The following SDK1 variants were observed in gnomAD, a reference collection of about 807,000 sequenced individuals.
SDK1 encodes sidekick cell adhesion molecule 1, also known as protein sidekick-1.
A neutral mutation model predicts 245.5 loss-of-function variants in SDK1; 157 were observed. That is an observed-to-expected ratio of 0.64 (90% CI 0.56 to 0.73). The LOEUF is 0.73. SDK1 is among the 30% of genes least tolerant of loss of function. The pLI, the probability that SDK1 is intolerant of heterozygous loss-of-function variation, is 0.00. For missense variants in SDK1, 3,583 were observed against 3,002.3 expected (o/e 1.19, Z -4.52); for synonymous variants, 1,647 against 1,278.5 (o/e 1.29, Z -6.15).
At chr7:4,192,374 C>T (rs1435814965) in intron 35 of SDK1, among the ~76,000 whole-genome samples, 2 of 152,226 alleles carry the variant, frequency 1.3e-5, no homozygotes, top group Non-Finnish European at 2.9e-5. Context: ...CTCCCGGGTT[C>T]ACACCATTCT....
chr7:3,316,117 T>A (rs1779657411), intron 1 of SDK1, among the ~76,000 whole-genome samples: 1 of 152,196 alleles, frequency 6.6e-6, no homozygotes, highest in Non-Finnish European at 1.5e-5. Flanking sequence ...ATTTGAGGCA[T>A]GAAGTTGTAA....
Position 3,967,313 on chromosome 7 carries a change from C to G in SDK1, c.1430-5C>G. ...CCTGATCATTTCATTTACTCCTCTTCTCAGATATCGCTCCAGTGTTCACCC... is the reference window on the plus strand; with the variant it reads ...CCTGATCATTTCATTTACTCCTCTTGTCAGATATCGCTCCAGTGTTCACCC... On this transcript the variant is annotated splice_polypyrimidine_tract_variant and splice_region_variant and intron_variant, in intron 9 of 44. Coordinates refer to ENST00000404826, the MANE Select transcript of SDK1 (RefSeq NM_152744.4). 6.2e-7 allele frequency: 1 copy of G among 1,608,816 alleles called. No homozygotes were observed. The highest frequency in any genetic ancestry group is 8.5e-7 in the Non-Finnish European group (1 of 1,175,134).
At chr7:3,331,514 C>G (rs941458923) in intron 1 of SDK1, among the ~76,000 whole-genome samples, 3 of 152,216 alleles carry the variant, frequency 2.0e-5, no homozygotes, top group East Asian at 3.9e-4. Flanking sequence ...TGTAATAATT[C>G]TTTTTATATT....
At chr7:3,395,003 C>T (rs533149763) in intron 1 of SDK1, among the ~76,000 whole-genome samples, 12 of 151,784 alleles carry the variant, frequency 7.9e-5, no homozygotes, top group African/African-American at 2.9e-4. Context: ...ATTTGTTTTT[C>T]TTGGGTGGTT....
rs191127551 is a variant in SDK1 at position 3,403,639 on chromosome 7, A to G, written c.298+101755A>G. ...AGAGCACAAATACAATAAGATATGG[A>G]GACTCAGTATCCTATCAGCTTTTTG... On this transcript the variant is annotated intron_variant, in intron 1 of 44. Coordinates refer to ENST00000404826, the MANE Select transcript of SDK1 (RefSeq NM_152744.4). 4.7e-4 allele frequency among the ~76,000 whole-genome samples: 71 copies of G among 151,430 alleles called. 1 individual carries two copies. Among genetic ancestry groups the G allele is most frequent in the African/African-American group, 1.5e-3 (64 of 41,294 alleles).
At chr7:3,899,739 C>T (rs554556085) in intron 5 of SDK1, among the ~76,000 whole-genome samples, 113 of 152,326 alleles carry the variant, frequency 7.4e-4, no homozygotes, top group African/African-American at 2.5e-3. Context: ...CATGCTGCAT[C>T]TCTCTCCCCA....
At chr7:3,904,559 G>C (rs990805422) in intron 5 of SDK1, among the ~76,000 whole-genome samples, 1 of 152,134 alleles carries the variant, frequency 6.6e-6, no homozygotes, top group Non-Finnish European at 1.5e-5. Flanking sequence ...AGCAGACATG[G>C]TGGTGCACAC....
intron 22 of SDK1, among the ~76,000 whole-genome samples, chr7:4,091,418 C>T (rs1232643823): frequency 6.8e-6 from 1 of 146,518 alleles, no homozygotes; most frequent in Non-Finnish European, 1.5e-5. Context: ...TCTGGGCTCA[C>T]TGCAACCTCC....
intron 1 of SDK1, among the ~76,000 whole-genome samples, chr7:3,417,123 G>T (rs986388858): frequency 5.9e-5 from 9 of 152,170 alleles, no homozygotes; most frequent in African/African-American, 2.2e-4. Context: ...GCAGGGAGCC[G>T]AGACTGCGCC....
chr7:3,966,175 C>T (rs1014118677), intron 9 of SDK1, among the ~76,000 whole-genome samples: 4 of 151,962 alleles, frequency 2.6e-5, no homozygotes, highest in African/African-American at 2.4e-5. Flanking sequence ...GACCTGGACT[C>T]GGGTGGTTGC....
chr7:4,075,184 C>G (rs979802956), intron 20 of SDK1, among the ~76,000 whole-genome samples: 5 of 151,880 alleles, frequency 3.3e-5, no homozygotes, highest in African/African-American at 1.2e-4. Flanking sequence ...CTGGAGGCAC[C>G]CAGCAGCCAG....
At chr7:3,942,505 T>C (rs774608776) in intron 5 of SDK1, among the ~76,000 whole-genome samples, 23 of 152,246 alleles carry the variant, frequency 1.5e-4, no homozygotes, top group Non-Finnish European at 3.1e-4. Flanking sequence ...GATAGGATGT[T>C]GGAAAAAGAT....
rs1478059349 is a variant in SDK1, at chr7:4,233,356, C to T, written c.5929C>T (p.Arg1977Trp). 4.3e-6 allele frequency: 7 copies of T among 1,613,872 alleles called. No homozygotes were observed. Among genetic ancestry groups the T allele is most frequent in the East Asian group, 2.2e-5 (1 of 44,882 alleles). ...CCGGCAAGGAGTGACTTACGAGTTC[C>T]GGGTGGTGGCTGTGAATGAGGCGGG... ...KLRQGVTYEF[R>W]VVAVNEAGYG... is the part of the protein sequence containing the mutation. Residue 1977 changes from arginine to tryptophan, a missense_variant, in exon 41 of 45, where the codon CGG becomes TGG. Transcript: ENST00000404826.
intron 9 of SDK1, among the ~76,000 whole-genome samples, chr7:3,967,069 C>A (rs759726247): frequency 6.6e-6 from 1 of 152,230 alleles, no homozygotes; most frequent in African/African-American, 2.4e-5. Flanking sequence ...TCCTGGGCCC[C>A]TGCACGTTTC....
chr7:3,596,865 ATAGAAGTGAGGTACAGGTACAGAAACAGC>A (rs1391253102), intron 1 of SDK1, among the ~76,000 whole-genome samples: 1 of 152,180 alleles, frequency 6.6e-6, no homozygotes. Context: ...ACCATAAAAG[ATAGAAGTGAGGTACAGGTACAGAAACAGC>A]TAGATTGGTT....
chr7:4,128,250 C>A (rs893065209), intron 26 of SDK1, among the ~76,000 whole-genome samples: 10 of 152,192 alleles, frequency 6.6e-5, no homozygotes, highest in African/African-American at 2.4e-4. Context: ...TCCACCTTTC[C>A]GTACTTCACA....
chr7:3,456,580 A>T (rs1401460894), intron 1 of SDK1, among the ~76,000 whole-genome samples: 1 of 152,150 alleles, frequency 6.6e-6, no homozygotes, highest in Non-Finnish European at 1.5e-5. Flanking sequence ...AATAACTTCT[A>T]GTTCTAGATT....
chr7:3,502,233 AATT>A (rs970188149), intron 1 of SDK1, among the ~76,000 whole-genome samples: 11 of 146,846 alleles, frequency 7.5e-5, no homozygotes, highest in African/African-American at 2.7e-4. Context: ...ATTTTTTTTT[AATT>A]AATTAATTAA....
intron 1 of SDK1, among the ~76,000 whole-genome samples, chr7:3,512,511 G>GT (rs1413896345): frequency 6.6e-6 from 1 of 151,992 alleles, no homozygotes; most frequent in Non-Finnish European, 1.5e-5. Context: ...GTACGGGTAT[G>GT]TTTCGTTTTG....
Sources: gnomAD v4.1 joint callset for allele counts (sites outside exome capture counted in the v4.1 genomes callset) on GRCh38, gnomAD v4.1.1 for gene constraint, MANE v1.5 for transcripts, NCBI Gene and HGNC (gene_info 2026-07-23, HGNC 2026-07-21) for gene names.